Variants in ZDHHC21 observed in about 807,000 individuals in gnomAD.
The protein encoded by ZDHHC21 is palmitoyltransferase ZDHHC21.
Under a neutral mutation model 34.6 loss-of-function variants are expected in ZDHHC21, and 15 were observed. The ratio of observed to expected loss-of-function variants is 0.43; its 90% confidence interval spans 0.29 to 0.67. The LOEUF (loss-of-function observed/expected upper bound fraction) is 0.67, where lower values mean the gene tolerates loss of function less well. Ranked by LOEUF, ZDHHC21 falls within the 30% of genes least tolerant of loss-of-function variation. The pLI is 0.14. For synonymous variants in ZDHHC21, 142 were observed against 101.8 expected (o/e 1.40, Z -2.38); for missense variants, 344 against 327.7 (o/e 1.05, Z -0.38).
At chr9:14,621,897 A>T (rs1487100962) in intron 8 of ZDHHC21, among the ~76,000 whole-genome samples, 1 of 152,156 alleles carries the variant, frequency 6.6e-6, no homozygotes, top group Non-Finnish European at 1.5e-5. Context: ...CCACTAAAAA[A>T]TATTTTGGTG....
chr9:14,624,113 A>T, intron 8 of ZDHHC21, among the ~76,000 whole-genome samples: 1 of 152,110 alleles, frequency 6.6e-6, no homozygotes, highest in Non-Finnish European at 1.5e-5. Context: ...AAAATAAATA[A>T]TAATATGAAT....
chr9:14,638,394 CAA>C lies in ZDHHC21; in HGVS notation c.621+1500_621+1501del, dbSNP rs561669277. ...TTCTCACCATATACAGAAACCAACT[CAA>C]GATGTATTAAAGACTTAAACATAAA... On this transcript the variant is annotated intron_variant, in intron 8 of 9. Coordinates refer to ENST00000380916, the MANE Select transcript of ZDHHC21 (RefSeq NM_178566.6). Among the ~76,000 whole-genome samples the C allele has an allele frequency of 3.9e-3, 591 of 152,014 alleles. 2 individuals are homozygous for C. Among genetic ancestry groups the C allele is most frequent in the South Asian group, 0.018 (86 of 4,820 alleles).
intron 7 of ZDHHC21, among the ~76,000 whole-genome samples, chr9:14,652,183 G>T (rs189013725): frequency 2.6e-5 from 4 of 151,932 alleles, no homozygotes; most frequent in African/African-American, 9.6e-5. Context: ...TCAAGTTTCT[G>T]CAATTTTTCT....
the ZDHHC21 span, among the ~76,000 whole-genome samples, chr9:14,600,477 A>C: frequency 6.6e-6 from 1 of 152,232 alleles, no homozygotes; most frequent in Non-Finnish European, 1.5e-5. Flanking sequence ...GGAGAACTAT[A>C]AACCACTGCT....
At chr9:14,622,724 G>C (rs1163669246) in intron 8 of ZDHHC21, 1 of 984,956 alleles carries the variant, frequency 1.0e-6, no homozygotes, top group African/African-American at 1.7e-5. Flanking sequence ...TAAACAATCT[G>C]TTATATGACT....
intron 8 of ZDHHC21, among the ~76,000 whole-genome samples, chr9:14,631,469 G>T (rs1827331899): frequency 6.6e-6 from 1 of 152,132 alleles, no homozygotes; most frequent in Non-Finnish European, 1.5e-5. Flanking sequence ...CAATAAAGCT[G>T]CTTCACTTTC....
intron 6 of ZDHHC21, among the ~76,000 whole-genome samples, chr9:14,660,895 C>A (rs1833269775): frequency 6.6e-6 from 1 of 152,104 alleles, no homozygotes; most frequent in African/African-American, 2.4e-5. Flanking sequence ...ATAAGAAGCG[C>A]TTAAAAACTG....
intron 5 of ZDHHC21, among the ~76,000 whole-genome samples, chr9:14,667,550 AAG>A (rs1458513782): frequency 8.4e-6 from 1 of 119,744 alleles, no homozygotes; most frequent in African/African-American, 3.3e-5. Flanking sequence ...ACAACCAAAA[AAG>A]AGAATTTTAG....
At chr9:14,672,982 T>A in intron 4 of ZDHHC21, 54 bp from the exon 5 acceptor site, 1 of 1,129,650 alleles carries the variant, frequency 8.9e-7, no homozygotes, top group South Asian at 1.8e-5. Flanking sequence ...AAACATTTTA[T>A]CAACAATCAT....
rs541362483 is a variant in ZDHHC21 at position 14,622,237 on chromosome 9, A to C, written c.622-2555T>G. ...TTTTAAAAACTGGATGTTCTTAAAAATAATGAACTAGAAACAGCAAGACAT... is the reference window on the plus strand; with the variant it reads ...TTTTAAAAACTGGATGTTCTTAAAACTAATGAACTAGAAACAGCAAGACAT... On this transcript the variant is annotated intron_variant, in intron 8 of 9. Transcript: ENST00000380916. Among the ~76,000 whole-genome samples, 21 of 152,258 alleles carry C rather than the reference A, an allele frequency of 1.4e-4. No homozygotes were observed. The East Asian group carries it at 2.7e-3, about 20-fold the overall frequency.
intron 7 of ZDHHC21, among the ~76,000 whole-genome samples, chr9:14,644,648 AT>A (rs965190613): frequency 6.6e-6 from 1 of 151,594 alleles, no homozygotes; most frequent in Non-Finnish European, 1.5e-5. Flanking sequence ...CTCTATTTGA[AT>A]TTTTTTTCTA....
At chr9:14,608,377 A>G (rs1470746841), downstream of ZDHHC21, among the ~76,000 whole-genome samples, 3 of 152,148 alleles carry the variant, frequency 2.0e-5, no homozygotes, top group Non-Finnish European at 4.4e-5. Flanking sequence ...ATATCACCCA[A>G]ACCATGCTAC....
In ZDHHC21 at chr9:14,613,369, T is replaced by C. The variant is rs768571227; in HGVS notation, c.*5597A>G. 6.6e-6 allele frequency: 1 copy of C among 151,870 alleles called. No individual in the cohort carries two copies. The highest frequency in any genetic ancestry group is 1.5e-5 in the Non-Finnish European group (1 of 67,832). 9.4% of individuals were successfully genotyped at this position (151,870 alleles called of 1,614,324 possible). ...TGAATAGCACCAGGATGTTTTATAG[T>C]TGTTGAGGTTATAAAACACGAACTT... On this transcript the variant is annotated 3_prime_UTR_variant, in exon 10 of 10. Coordinates refer to ENST00000380916, the MANE Select transcript of ZDHHC21 (RefSeq NM_178566.6).
At chr9:14,636,276 A>T (rs997473130) in intron 8 of ZDHHC21, among the ~76,000 whole-genome samples, 1 of 152,236 alleles carries the variant, frequency 6.6e-6, no homozygotes, top group Non-Finnish European at 1.5e-5. Context: ...AGCTATACTT[A>T]TATCAGATAT....
In ZDHHC21 at chr9:14,618,647, AC is replaced by A. The variant is rs1212426946; in HGVS notation, c.*318del. On this transcript the variant is annotated 3_prime_UTR_variant, in exon 10 of 10. Transcript: ENST00000380916. ...TTTACCATAAATTAGAATCTGTAAC[AC>A]TGTCAGTACTAAAATAAATTATGTA... 5.0e-6 allele frequency: 1 copy of A among 198,768 alleles called. No individual in the cohort carries two copies. Among genetic ancestry groups the A allele is most frequent in the Non-Finnish European group, 1.0e-5 (1 of 99,208 alleles). 12.3% of individuals were successfully genotyped at this position (198,768 alleles called of 1,614,324 possible).
intron 2 of ZDHHC21, among the ~76,000 whole-genome samples, chr9:14,681,679 A>G (rs1837398345): frequency 6.6e-6 from 1 of 151,922 alleles, no homozygotes; most frequent in African/African-American, 2.4e-5. Flanking sequence ...GTGAGAAATG[A>G]TGAGGGCACA....
At chr9:14,669,032 C>G (rs1419661263) in intron 5 of ZDHHC21, among the ~76,000 whole-genome samples, 2 of 131,140 alleles carry the variant, frequency 1.5e-5, no homozygotes, top group Non-Finnish European at 3.3e-5. Flanking sequence ...AGCTTCTGCA[C>G]AGCAAAAGAA....
rs1823495952 is a variant in ZDHHC21, at chr9:14,612,615, A to G, written c.*6351T>C. ...ATATCCAGACTTTTTTCTTTCATTA[A>G]GTTCAATTTTCTGTTATCAGTTTTG... is the stretch of plus-strand genomic sequence containing the variant. On this transcript the variant is annotated 3_prime_UTR_variant, in exon 10 of 10. Transcript: ENST00000380916. The G allele has an allele frequency of 6.6e-6, 1 of 151,748 alleles. No individual in the cohort carries two copies. The highest frequency in any genetic ancestry group is 1.5e-5 in the Non-Finnish European group (1 of 67,846). 9.4% of individuals were successfully genotyped at this position (151,748 alleles called of 1,614,324 possible).
intron 5 of ZDHHC21, among the ~76,000 whole-genome samples, chr9:14,663,301 G>T (rs1297283349): frequency 6.6e-6 from 1 of 152,042 alleles, no homozygotes; most frequent in African/African-American, 2.4e-5. Flanking sequence ...TATGGACATA[G>T]TAAGATTAGC....
Sources: allele counts gnomAD v4.1 joint callset (sites outside exome capture counted in the v4.1 genomes callset), GRCh38; gene constraint gnomAD v4.1.1; transcripts MANE v1.5; gene names NCBI Gene and HGNC (gene_info 2026-07-23, HGNC 2026-07-21).